The following SEPTIN7 variants were observed in gnomAD, a reference collection of about 807,000 sequenced individuals.
The protein encoded by SEPTIN7 is septin 7, also known as septin-7.
A neutral mutation model predicts 63.3 loss-of-function variants in SEPTIN7; 10 were observed. That is an observed-to-expected ratio of 0.16 (90% CI 0.10 to 0.27). SEPTIN7 has a LOEUF of 0.27. Ranked by LOEUF, SEPTIN7 falls within the 10% of genes least tolerant of loss-of-function variation. The pLI is 1.00. For synonymous variants in SEPTIN7, 131 were observed against 165.3 expected (o/e 0.79, Z 1.59); for missense variants, 310 against 521.0 (o/e 0.59, Z 3.94).
intron 2 of SEPTIN7, 37 bp from the exon 3 acceptor site, chr7:35,832,761 G>A (rs772567998): frequency 6.4e-6 from 7 of 1,090,360 alleles, no homozygotes; most frequent in Non-Finnish European, 1.0e-5. Flanking sequence ...TAGTACTGTT[G>A]ATACATGAAT....
the SEPTIN7 span, among the ~76,000 whole-genome samples, chr7:35,913,714 C>A: frequency 6.6e-6 from 1 of 152,094 alleles, no homozygotes; most frequent in African/African-American, 2.4e-5. Context: ...CCTCAGCCTC[C>A]CAGTAGCTGG....
intron 1 of SEPTIN7, among the ~76,000 whole-genome samples, chr7:35,822,308 C>T (rs1333793452): frequency 5.3e-5 from 8 of 152,096 alleles, no homozygotes; most frequent in Admixed American, 1.3e-4. Context: ...GCAGTCCACC[C>T]GCCTCGGACT....
At chr7:35,899,641 G>A (rs1788187942) in intron 12 of SEPTIN7, 4 of 152,300 alleles carry the variant, frequency 2.6e-5, no homozygotes, top group Admixed American at 2.6e-4. Flanking sequence ...CCAGCAGTTT[G>A]GGAGGCCAAA....
At chr7:35,884,623 G>A (rs970126400) in intron 9 of SEPTIN7, among the ~76,000 whole-genome samples, 7 of 152,128 alleles carry the variant, frequency 4.6e-5, no homozygotes, top group Non-Finnish European at 8.8e-5. Flanking sequence ...TTATCGGAAC[G>A]TCAGATGGTC....
chr7:35,849,068 G>GAT (rs1438139166), intron 3 of SEPTIN7, among the ~76,000 whole-genome samples: 1 of 152,126 alleles, frequency 6.6e-6, no homozygotes, highest in African/African-American at 2.4e-5. Flanking sequence ...CTTCTTTTAA[G>GAT]ATAATTGCAG....
At chr7:35,908,649 G>A (rs563126735), downstream of SEPTIN7, among the ~76,000 whole-genome samples, 17 of 152,290 alleles carry the variant, frequency 1.1e-4, no homozygotes, top group African/African-American at 4.1e-4. Context: ...TAGCAGAGGG[G>A]GGGTAGTCAG....
At chr7:35,802,915 GAAAT>G (rs1788090214) in intron 1 of SEPTIN7, among the ~76,000 whole-genome samples, 1 of 152,138 alleles carries the variant, frequency 6.6e-6, no homozygotes, top group Non-Finnish European at 1.5e-5. Context: ...GTGAAGCTAT[GAAAT>G]AAATGTGGAA....
intron 3 of SEPTIN7, among the ~76,000 whole-genome samples, chr7:35,842,348 G>GA (rs35707107): frequency 0.37 from 53,129 of 143,362 alleles, 9,870 homozygotes; most frequent in East Asian, 0.49. Context: ...CTTTGTTTTT[G>GA]AAAAAAAAAA....
downstream of SEPTIN7, among the ~76,000 whole-genome samples, chr7:35,907,827 A>G (rs558543526): frequency 2.0e-5 from 3 of 152,312 alleles, no homozygotes; most frequent in East Asian, 5.8e-4. Flanking sequence ...AACTTCTATG[A>G]ATGTTTTCTC....
downstream of SEPTIN7, among the ~76,000 whole-genome samples, chr7:35,911,024 C>G (rs1397345205): frequency 1.3e-5 from 2 of 152,186 alleles, no homozygotes; most frequent in African/African-American, 4.8e-5. Context: ...TGGAAGGATC[C>G]TGAGGACCCC....
At chr7:35,840,128 TCCCCTTCCCCCTTCCTCCTTC>T (rs1784334090) in intron 3 of SEPTIN7, among the ~76,000 whole-genome samples, 1 of 131,576 alleles carries the variant, frequency 7.6e-6, no homozygotes, top group Admixed American at 7.3e-5. Flanking sequence ...CTTCCCTTTT[TCCCCTTCCCCCTTCCTCCTTC>T]CCCCTTCCCC....
At chr7:35,872,531 T>C (rs1365490375) in intron 4 of SEPTIN7, 135 bp from the exon 5 acceptor site, 1 of 653,780 alleles carries the variant, frequency 1.5e-6, no homozygotes, top group Non-Finnish European at 2.8e-6. Context: ...AAAGGTAATG[T>C]GGTAGTAGGT....
At chr7:35,804,953 G>T (rs1788238009) in intron 1 of SEPTIN7, among the ~76,000 whole-genome samples, 1 of 149,036 alleles carries the variant, frequency 6.7e-6, no homozygotes, top group Admixed American at 6.9e-5. Context: ...CAGTTCTCCT[G>T]TCTCAGCCTC....
chr7:35,869,977 G>A (rs1188254816), intron 4 of SEPTIN7, among the ~76,000 whole-genome samples: 1 of 152,118 alleles, frequency 6.6e-6, no homozygotes, highest in East Asian at 1.9e-4. Flanking sequence ...GTGGCCATTT[G>A]GAATAGATTT....
At chr7:35,829,772 A>G (rs1215399104) in intron 1 of SEPTIN7, among the ~76,000 whole-genome samples, 2 of 152,330 alleles carry the variant, frequency 1.3e-5, no homozygotes, top group East Asian at 1.9e-4. Context: ...TGTGTGTTGG[A>G]TAATGGCAAG....
At chr7:35,817,062 AT>A (rs1789116555) in intron 1 of SEPTIN7, among the ~76,000 whole-genome samples, 1 of 151,090 alleles carries the variant, frequency 6.6e-6, no homozygotes, top group Non-Finnish European at 1.5e-5. Context: ...AGCATTTTTA[AT>A]TTTGATGAAG....
At chr7:35,879,737 A>T in intron 6 of SEPTIN7, 86 bp from the exon 7 acceptor site, 1 of 769,632 alleles carries the variant, frequency 1.3e-6, no homozygotes, top group Non-Finnish European at 2.3e-6. Context: ...AAGTAGTTAC[A>T]TTGTATTTAA....
intron 3 of SEPTIN7, among the ~76,000 whole-genome samples, chr7:35,833,343 A>G (rs1783927410): frequency 6.6e-6 from 1 of 152,032 alleles, no homozygotes; most frequent in Admixed American, 6.6e-5. Flanking sequence ...TACCCTTGGA[A>G]TTCATTAATT....
intron 12 of SEPTIN7, chr7:35,901,753 C>G (rs1180462543): frequency 6.6e-6 from 1 of 152,164 alleles, no homozygotes; most frequent in African/African-American, 2.4e-5. Flanking sequence ...ATCCCTCTCT[C>G]TCATTCCCAG....
Sources: allele counts gnomAD v4.1 joint callset (sites outside exome capture counted in the v4.1 genomes callset), GRCh38; gene constraint gnomAD v4.1.1; transcripts MANE v1.5; gene names NCBI Gene and HGNC (gene_info 2026-07-23, HGNC 2026-07-21).